The following LOC400499 variants were observed in gnomAD, a reference collection of about 807,000 sequenced individuals.
At chr16:11,510,137 G>A in the LOC400499 span, among the ~76,000 whole-genome samples, 1 of 151,552 alleles carries the variant, frequency 6.6e-6, no homozygotes. Context: ...CCTGAGCCCC[G>A]CTTGGACCCC....
At chr16:11,395,436 C>T in the LOC400499 span, among the ~76,000 whole-genome samples, 1 of 152,178 alleles carries the variant, frequency 6.6e-6, no homozygotes, top group Non-Finnish European at 1.5e-5. Context: ...TTCCATCAGG[C>T]ACGGGGCTTA....
chr16:11,416,227 T>G, the LOC400499 span, among the ~76,000 whole-genome samples: 22,657 of 151,932 alleles, frequency 0.15, 2,193 homozygotes, highest in African/African-American at 0.28. Context: ...TAGGATTACA[T>G]GCATGAGCCA....
At chr16:11,488,841 G>A in the LOC400499 span, 6 of 398,840 alleles carry the variant, frequency 1.5e-5, no homozygotes, top group Admixed American at 4.4e-5. Flanking sequence ...AGCAGCTGCA[G>A]GATGTGACTC....
At chr16:11,413,562 C>T in the LOC400499 span, among the ~76,000 whole-genome samples, 4 of 152,274 alleles carry the variant, frequency 2.6e-5, no homozygotes, top group African/African-American at 7.2e-5. Context: ...TCCTCTTCAC[C>T]GAGGCAGGAG....
the LOC400499 span, chr16:11,387,252 C>G: frequency 8.1e-7 from 1 of 1,232,260 alleles, no homozygotes; most frequent in South Asian, 4.1e-5. Flanking sequence ...AGGGGCTCGT[C>G]CCCCGCAGGC....
At chr16:11,411,862 T>C in the LOC400499 span, among the ~76,000 whole-genome samples, 1 of 143,776 alleles carries the variant, frequency 7.0e-6, no homozygotes, top group Non-Finnish European at 1.5e-5. Context: ...TTTCTTTTTT[T>C]TTTTTTCCTT....
chr16:11,487,240 T>G, the LOC400499 span: 1 of 398,648 alleles, frequency 2.5e-6, no homozygotes, highest in Non-Finnish European at 4.4e-6. Flanking sequence ...CTGCAGAGGC[T>G]ATAGCAAGGC....
chr16:11,443,304 A>G, the LOC400499 span: 1 of 365,700 alleles, frequency 2.7e-6, no homozygotes, highest in Non-Finnish European at 5.1e-6. Context: ...AGCCTGGGCA[A>G]CAGAGCAAGA....
At chr16:11,386,436 ACAC>A in the LOC400499 span, among the ~76,000 whole-genome samples, 2 of 152,232 alleles carry the variant, frequency 1.3e-5, no homozygotes, top group African/African-American at 4.8e-5. Flanking sequence ...GTTTTCTACA[ACAC>A]CAATGTGCTG....
At chr16:11,381,808 C>T in the LOC400499 span, among the ~76,000 whole-genome samples, 1 of 152,272 alleles carries the variant, frequency 6.6e-6, no homozygotes, top group South Asian at 2.1e-4. Flanking sequence ...CTTCTTTCCA[C>T]CCTCTTCCTT....
At chr16:11,437,358 G>C in the LOC400499 span, among the ~76,000 whole-genome samples, 1 of 152,180 alleles carries the variant, frequency 6.6e-6, no homozygotes, top group East Asian at 1.9e-4. Flanking sequence ...CAGGAGTTGA[G>C]ACCAGCCTGA....
the LOC400499 span, among the ~76,000 whole-genome samples, chr16:11,441,998 A>C: frequency 2.0e-5 from 3 of 152,164 alleles, no homozygotes; most frequent in Admixed American, 1.3e-4. Flanking sequence ...TTCACTCAAC[A>C]ATCATTTAGC....
the LOC400499 span, among the ~76,000 whole-genome samples, chr16:11,382,457 C>T: frequency 0.22 from 33,197 of 152,066 alleles, 4,328 homozygotes; most frequent in African/African-American, 0.36. Context: ...CACTGGATGA[C>T]GGAGCTCTCA....
At chr16:11,471,533 A>C in the LOC400499 span, 2 of 398,560 alleles carry the variant, frequency 5.0e-6, no homozygotes, top group Non-Finnish European at 8.8e-6. Context: ...AACCTACAGC[A>C]AGACCAGCAC....
chr16:11,506,323 C>T, the LOC400499 span, among the ~76,000 whole-genome samples: 24 of 152,310 alleles, frequency 1.6e-4, no homozygotes, highest in African/African-American at 4.6e-4. Flanking sequence ...CTGAGCCTGG[C>T]CACAACTTAA....
the LOC400499 span, among the ~76,000 whole-genome samples, chr16:11,417,245 G>C: frequency 1.4e-3 from 213 of 151,946 alleles, 2 homozygotes; most frequent in African/African-American, 4.8e-3. Flanking sequence ...TTTTTATTTT[G>C]AGACAGGGTC....
the LOC400499 span, among the ~76,000 whole-genome samples, chr16:11,496,752 G>C: frequency 3.3e-5 from 5 of 152,176 alleles, no homozygotes; most frequent in African/African-American, 1.2e-4. Context: ...CCAGGTGTGG[G>C]TGGCTGTCTC....
the LOC400499 span, chr16:11,393,304 A>C: frequency 8.7e-5 from 99 of 1,135,540 alleles, no homozygotes; most frequent in Non-Finnish European, 1.0e-4. Flanking sequence ...CCGACTTCTG[A>C]AATCTTAACG....
the LOC400499 span, chr16:11,385,105 A>C: frequency 8.1e-7 from 1 of 1,232,004 alleles, no homozygotes; most frequent in Non-Finnish European, 1.0e-6. Flanking sequence ...TCTGACCCAC[A>C]GCCAGGTGAC....
Sources: gnomAD v4.1 joint callset for allele counts (sites outside exome capture counted in the v4.1 genomes callset) on GRCh38, gnomAD v4.1.1 for gene constraint, MANE v1.5 for transcripts.